Variants in KLHL32 observed in about 807,000 individuals in gnomAD.
The protein encoded by KLHL32 is kelch like family member 32.
A neutral mutation model predicts 64.8 loss-of-function variants in KLHL32; 35 were observed. That is an observed-to-expected ratio of 0.54 (90% CI 0.41 to 0.72). The LOEUF is 0.72. Among genes scored for constraint, KLHL32 ranks in the 30% least tolerant of loss-of-function variants. KLHL32 has a pLI of 0.00. For missense variants in KLHL32, 589 were observed against 768.5 expected, an observed-to-expected ratio of 0.77 and a Z score of 2.76; for synonymous variants, 259 against 281.0, an observed-to-expected ratio of 0.92 and a Z score of 0.78.
intron 1 of KLHL32, among the ~76,000 whole-genome samples, chr6:96,936,879 C>G (rs939437829): frequency 4.6e-5 from 7 of 152,124 alleles, no homozygotes; most frequent in Non-Finnish European, 8.8e-5. Flanking sequence ...GCCCTGCCTC[C>G]TGCCTACCCG....
chr6:96,909,003 C>T, the KLHL32 span, among the ~76,000 whole-genome samples: 172 of 152,208 alleles, frequency 1.1e-3, no homozygotes, highest in African/African-American at 3.9e-3. Context: ...GGTACAGAGA[C>T]CTGATAAAGG....
intron 4 of KLHL32, among the ~76,000 whole-genome samples, chr6:97,043,347 C>T (rs1222788312): frequency 6.6e-6 from 1 of 152,148 alleles, no homozygotes; most frequent in Non-Finnish European, 1.5e-5. Context: ...GCTTATTTCA[C>T]TTAACATAAT....
At chr6:97,051,871 T>C (rs1247094783) in intron 4 of KLHL32, among the ~76,000 whole-genome samples, 3 of 152,186 alleles carry the variant, frequency 2.0e-5, no homozygotes, top group Non-Finnish European at 2.9e-5. Flanking sequence ...ACAATTGTGC[T>C]CCAGCCTTAT....
intron 3 of KLHL32, among the ~76,000 whole-genome samples, chr6:96,986,145 C>A (rs1389322078): frequency 6.6e-6 from 1 of 152,108 alleles, no homozygotes; most frequent in Non-Finnish European, 1.5e-5. Flanking sequence ...CACTCCAGAC[C>A]CTGTTTGCCT....
chr6:96,919,077 G>C, the KLHL32 span, among the ~76,000 whole-genome samples: 1 of 152,138 alleles, frequency 6.6e-6, no homozygotes, highest in African/African-American at 2.4e-5. Context: ...TCATGACCTA[G>C]ACTTGACCAA....
intron 3 of KLHL32, among the ~76,000 whole-genome samples, chr6:97,012,345 C>G (rs1465057146): frequency 6.6e-6 from 1 of 152,118 alleles, no homozygotes; most frequent in African/African-American, 2.4e-5. Context: ...TCAGAGGAGT[C>G]AGGACAGAAG....
At chr6:97,039,682 T>C (rs1390597282) in intron 3 of KLHL32, among the ~76,000 whole-genome samples, 2 of 119,924 alleles carry the variant, frequency 1.7e-5, no homozygotes, top group Non-Finnish European at 3.5e-5. Context: ...TAGCCAGGAG[T>C]GGTGGCGGGC....
At chr6:97,002,573 C>T (rs747790389) in intron 3 of KLHL32, among the ~76,000 whole-genome samples, 47 of 152,272 alleles carry the variant, frequency 3.1e-4, no homozygotes, top group Middle Eastern at 3.4e-3. Flanking sequence ...TTTCATTACT[C>T]AGGTCCTAAG....
chr6:97,014,259 C>A (rs561875246), intron 3 of KLHL32, among the ~76,000 whole-genome samples: 1 of 150,296 alleles, frequency 6.7e-6, no homozygotes, highest in South Asian at 2.1e-4. Flanking sequence ...CGCGCCACTG[C>A]ACTCCAACCT....
At chr6:97,032,813 T>C (rs1783748516) in intron 3 of KLHL32, among the ~76,000 whole-genome samples, 1 of 152,216 alleles carries the variant, frequency 6.6e-6, no homozygotes, top group Non-Finnish European at 1.5e-5. Context: ...AATTCAACAT[T>C]TTATAAACTA....
chr6:97,091,305 G>A (rs1794187140), intron 6 of KLHL32, among the ~76,000 whole-genome samples: 1 of 152,226 alleles, frequency 6.6e-6, no homozygotes, highest in Non-Finnish European at 1.5e-5. Context: ...CATGGCCTCT[G>A]TGCCTGCCTC....
chr6:97,124,053 C>T (rs189433732), intron 7 of KLHL32, among the ~76,000 whole-genome samples: 86 of 152,262 alleles, frequency 5.6e-4, no homozygotes, highest in African/African-American at 1.9e-3. Context: ...AAATGAGTAA[C>T]ACTGCTAAAG....
At chr6:97,070,622 T>G (rs756368008) in intron 5 of KLHL32, among the ~76,000 whole-genome samples, 1 of 152,190 alleles carries the variant, frequency 6.6e-6, no homozygotes, top group Non-Finnish European at 1.5e-5. Context: ...TGTGAGGATT[T>G]TAAAGAGGAG....
chr6:96,927,755 A>G (rs983487822), intron 1 of KLHL32, among the ~76,000 whole-genome samples: 2 of 152,238 alleles, frequency 1.3e-5, no homozygotes, highest in African/African-American at 4.8e-5. Flanking sequence ...TTGCACCTCT[A>G]GTAAGGAGCT....
At chr6:96,910,730 G>C in the KLHL32 span, among the ~76,000 whole-genome samples, 1 of 151,960 alleles carries the variant, frequency 6.6e-6, no homozygotes, top group Non-Finnish European at 1.5e-5. Flanking sequence ...AAGCCTTTTA[G>C]GTAAATCCTC....
chr6:96,958,899 T>A (rs552292780), intron 1 of KLHL32, among the ~76,000 whole-genome samples: 5 of 151,232 alleles, frequency 3.3e-5, no homozygotes, highest in African/African-American at 1.2e-4. Flanking sequence ...AGGGATGGAG[T>A]GTTGGGAGGT....
At chr6:96,922,794 A>C (rs151215379), upstream of KLHL32, among the ~76,000 whole-genome samples, 1 of 152,214 alleles carries the variant, frequency 6.6e-6, no homozygotes, top group South Asian at 2.1e-4. Flanking sequence ...AAACTGCAAC[A>C]TATGTTTGTG....
At chr6:96,956,520 A>G (rs551871566) in intron 1 of KLHL32, among the ~76,000 whole-genome samples, 20 of 152,096 alleles carry the variant, frequency 1.3e-4, no homozygotes, top group Non-Finnish European at 2.5e-4. Flanking sequence ...TGTGCTTCTC[A>G]TTTGGAAAGC....
chr6:97,106,763 G>T (rs933763134), intron 6 of KLHL32, among the ~76,000 whole-genome samples: 1 of 150,440 alleles, frequency 6.6e-6, no homozygotes, highest in African/African-American at 2.5e-5. Context: ...AAAATTAAAT[G>T]TGAAATATGT....
Sources: allele counts gnomAD v4.1 joint callset (sites outside exome capture counted in the v4.1 genomes callset), GRCh38; gene constraint gnomAD v4.1.1; transcripts MANE v1.5; gene names NCBI Gene and HGNC (gene_info 2026-07-23, HGNC 2026-07-21).